The following ILDR1 variants were observed in gnomAD, a reference collection of about 807,000 sequenced individuals.
The protein encoded by ILDR1 is immunoglobulin like domain containing receptor 1.
A neutral mutation model predicts 62.4 loss-of-function variants in ILDR1; 56 were observed. The ratio of observed to expected loss-of-function variants is 0.90; its 90% confidence interval spans 0.72 to 1.12. ILDR1 has a LOEUF of 1.12. Among genes scored for constraint, ILDR1 ranks in the 50% most tolerant of loss-of-function variants. The pLI, the probability that ILDR1 is intolerant of heterozygous loss-of-function variation, is 0.00. For synonymous variants in ILDR1, 284 were observed against 277.8 expected, an observed-to-expected ratio of 1.02 and a Z score of -0.22; for missense variants, 736 against 710.6, an observed-to-expected ratio of 1.04 and a Z score of -0.41.
intron 5 of ILDR1, among the ~76,000 whole-genome samples, chr3:121,996,038 C>T (rs1445239629): frequency 6.6e-6 from 1 of 152,138 alleles, no homozygotes; most frequent in Non-Finnish European, 1.5e-5. Context: ...CTCTCTAACT[C>T]GGCTCCAGAC....
At chr3:122,021,938 C>G in intron 1 of ILDR1, 82 bp downstream of exon 1, 2 of 1,392,048 alleles carry the variant, frequency 1.4e-6, no homozygotes, top group Non-Finnish European at 2.0e-6. Flanking sequence ...CTGCCCTGCC[C>G]GCGGCCAGCT....
rs2107645982 is a variant in ILDR1 at position 121,994,320 on chromosome 3, G to A, written c.647-7C>T. ...TAGCGGTGGCGGGCCAGGGCTGCAG[G>A]GAAAGAAGGAGAAATGCAGGCCCTC... is the stretch of plus-strand genomic sequence containing the variant. On this transcript the variant is annotated splice_polypyrimidine_tract_variant and splice_region_variant and intron_variant, in intron 5 of 7. Coordinates refer to ENST00000344209, the MANE Select transcript of ILDR1 (RefSeq NM_001199799.2). 6.5e-7 allele frequency: 1 copy of A among 1,529,912 alleles called. No individual in the cohort carries two copies. The highest frequency in any genetic ancestry group is 8.8e-7 in the Non-Finnish European group (1 of 1,142,378). The allele number at this position is 1,529,912 out of a possible 1,614,324, so 94.8% of individuals were successfully genotyped here.
the ILDR1 span, among the ~76,000 whole-genome samples, chr3:122,037,515 TC>T: frequency 5.9e-5 from 9 of 152,162 alleles, no homozygotes; most frequent in Non-Finnish European, 1.0e-4. Context: ...GGCCAATTTC[TC>T]CCATTTGGAA....
the ILDR1 span, among the ~76,000 whole-genome samples, chr3:122,035,719 C>T: frequency 6.6e-6 from 1 of 152,216 alleles, no homozygotes; most frequent in Non-Finnish European, 1.5e-5. Flanking sequence ...CCCACCCATG[C>T]TTCTGTTCAG....
At chr3:122,034,181 G>C in the ILDR1 span, among the ~76,000 whole-genome samples, 1 of 152,022 alleles carries the variant, frequency 6.6e-6, no homozygotes, top group Admixed American at 6.6e-5. Flanking sequence ...TTTGTTGTTG[G>C]TATATAGAGG....
At chr3:121,998,063 C>T (rs908281456) in intron 5 of ILDR1, among the ~76,000 whole-genome samples, 3 of 152,144 alleles carry the variant, frequency 2.0e-5, no homozygotes, top group Non-Finnish European at 2.9e-5. Flanking sequence ...GAAATCGAGT[C>T]AGGCAGATGT....
intron 5 of ILDR1, among the ~76,000 whole-genome samples, chr3:121,997,259 T>G (rs2071450633): frequency 2.6e-5 from 4 of 152,182 alleles, no homozygotes; most frequent in African/African-American, 9.7e-5. Context: ...AAACTACCAG[T>G]CCTCCCTGAT....
At chr3:122,024,451 CATTAGA>C (rs1446584662), upstream of ILDR1, among the ~76,000 whole-genome samples, 1 of 152,310 alleles carries the variant, frequency 6.6e-6, no homozygotes, top group African/African-American at 2.4e-5. Flanking sequence ...ATCTCAAGTG[CATTAGA>C]ATTAGAATTT....
Position 122,007,949 on chromosome 3 carries a change from T to C in ILDR1, c.59-788A>G, listed in dbSNP as rs368607175. ...ACCTACCCCTAGGCAGCACTTTTCA[T>C]GCTTCTTGTTGATGGTCTGCTAACT... On this transcript the variant is annotated intron_variant, in intron 1 of 7. Coordinates refer to ENST00000344209, the MANE Select transcript of ILDR1 (RefSeq NM_001199799.2). 3.6e-3 allele frequency among the ~76,000 whole-genome samples: 554 copies of C among 152,328 alleles called. 31 individuals are homozygous for C. The South Asian group carries it at 0.11, about 30-fold the overall frequency.
At chr3:122,016,101 CT>C (rs1227416967) in intron 1 of ILDR1, among the ~76,000 whole-genome samples, 2 of 152,336 alleles carry the variant, frequency 1.3e-5, no homozygotes, top group Admixed American at 6.5e-5. Context: ...CTGTGGCTTC[CT>C]TCACTCAGTC....
chr3:122,018,772 G>T (rs577428450), intron 1 of ILDR1, among the ~76,000 whole-genome samples: 1 of 152,294 alleles, frequency 6.6e-6, no homozygotes, highest in South Asian at 2.1e-4. Context: ...GGATTCTGGG[G>T]AGGTATTCAG....
intron 3 of ILDR1, 32 bp downstream of exon 3, chr3:122,005,212 C>A: frequency 1.6e-6 from 2 of 1,257,354 alleles, no homozygotes; most frequent in South Asian, 1.2e-5. Flanking sequence ...TCCCCCCACC[C>A]CCAGTTCCCC....
At chr3:122,030,864 T>C in the ILDR1 span, among the ~76,000 whole-genome samples, 17 of 152,170 alleles carry the variant, frequency 1.1e-4, no homozygotes, top group African/African-American at 3.9e-4. Context: ...GTGGTTCTAA[T>C]CTGCAGCCAG....
At chr3:121,997,787 G>A (rs1362860597) in intron 5 of ILDR1, among the ~76,000 whole-genome samples, 2 of 152,150 alleles carry the variant, frequency 1.3e-5, no homozygotes, top group South Asian at 2.1e-4. Flanking sequence ...GATGAAAGCC[G>A]TTTCTCCAGT....
At chr3:122,026,875 T>C (rs145801070), upstream of ILDR1, among the ~76,000 whole-genome samples, 60 of 152,288 alleles carry the variant, frequency 3.9e-4, no homozygotes, top group East Asian at 8.7e-3. Context: ...AGTAAAAATA[T>C]TATTGATAAT....
chr3:121,994,300 G>A lies in ILDR1; in HGVS notation c.660C>T (p.His220=), dbSNP rs759965447. The A allele has an allele frequency of 3.3e-5, 51 of 1,535,010 alleles. No homozygotes were observed. Among genetic ancestry groups the A allele is most frequent in the Admixed American group, 2.4e-4 (12 of 50,942 alleles). ...GGGCCTGGGCCTGCTTCATGTAGCG[G>A]TGGCGGGCCAGGGCTGCAGGGAAAG... is the stretch of plus-strand genomic sequence containing the variant. ...CCCPEEALAR[H]RYMKQAQALG... The change falls in exon 6 of 8, where the codon CAC becomes CAT. Residue 220 remains histidine, a synonymous_variant. Transcript: ENST00000344209.
At chr3:122,051,215 G>A in the ILDR1 span, among the ~76,000 whole-genome samples, 1 of 152,254 alleles carries the variant, frequency 6.6e-6, no homozygotes, top group East Asian at 1.9e-4. Context: ...CTTTAAATGA[G>A]CTCTCCAACC....
At chr3:122,028,667 A>G in the ILDR1 span, among the ~76,000 whole-genome samples, 3 of 152,250 alleles carry the variant, frequency 2.0e-5, no homozygotes, top group Non-Finnish European at 4.4e-5. Flanking sequence ...TCACTATTAA[A>G]CATTAGAAGA....
upstream of ILDR1, among the ~76,000 whole-genome samples, chr3:122,025,510 T>C (rs2071912090): frequency 6.6e-6 from 1 of 152,204 alleles, no homozygotes; most frequent in African/African-American, 2.4e-5. Flanking sequence ...TTCACCACCC[T>C]AGCTGTACAA....
Sources: allele counts gnomAD v4.1 joint callset (sites outside exome capture counted in the v4.1 genomes callset), GRCh38; gene constraint gnomAD v4.1.1; transcripts MANE v1.5; gene names NCBI Gene and HGNC (gene_info 2026-07-23, HGNC 2026-07-21).